Variants in COL23A1 observed in about 807,000 individuals in gnomAD.
The protein encoded by COL23A1 is collagen alpha-1(XXIII) chain.
In COL23A1, 97 loss-of-function variants were observed where a neutral mutation model predicts 99.3. That is an observed-to-expected ratio of 0.98 (90% CI 0.83 to 1.16). The LOEUF (loss-of-function observed/expected upper bound fraction) is 1.16. Ranked by LOEUF, COL23A1 falls within the 50% of genes most tolerant of loss-of-function variation. The pLI, the probability that COL23A1 is intolerant of heterozygous loss-of-function variation, is 0.00. For missense variants in COL23A1, 762 were observed against 757.4 expected (o/e 1.01, Z -0.07); for synonymous variants, 320 against 308.2 (o/e 1.04, Z -0.40).
chr5:178,530,956 C>T (rs896059989), intron 2 of COL23A1, among the ~76,000 whole-genome samples: 1 of 152,210 alleles, frequency 6.6e-6, no homozygotes, highest in Non-Finnish European at 1.5e-5. Context: ...CAACCTCCAT[C>T]TCCTGGGTTC....
intron 12 of COL23A1, among the ~76,000 whole-genome samples, chr5:178,258,236 AATATATATATATATAT>A (rs70994992): frequency 2.8e-5 from 2 of 71,960 alleles, no homozygotes; most frequent in African/African-American, 5.0e-5. Flanking sequence ...CCTGTCTTAA[AATATATATATATATAT>A]ATATATATAT....
chr5:178,500,784 T>C (rs1029149881), intron 2 of COL23A1, among the ~76,000 whole-genome samples: 4 of 152,068 alleles, frequency 2.6e-5, no homozygotes, highest in African/African-American at 4.8e-5. Flanking sequence ...CTCTCTAAAC[T>C]TGGAGTAAGA....
chr5:178,357,390 G>A (rs770645485), intron 2 of COL23A1, among the ~76,000 whole-genome samples: 26 of 152,216 alleles, frequency 1.7e-4, no homozygotes, highest in Non-Finnish European at 2.6e-4. Context: ...GGCTGGGGCC[G>A]CACAGCCTCG....
intron 2 of COL23A1, among the ~76,000 whole-genome samples, chr5:178,337,781 C>T (rs924537216): frequency 1.3e-5 from 2 of 151,978 alleles, no homozygotes; most frequent in Non-Finnish European, 2.9e-5. Context: ...CCACCATTAG[C>T]GTCTGGTGAT....
At chr5:178,556,362 C>G (rs1762271525) in intron 2 of COL23A1, among the ~76,000 whole-genome samples, 1 of 152,204 alleles carries the variant, frequency 6.6e-6, no homozygotes, top group African/African-American at 2.4e-5. Flanking sequence ...GTGGCTCACG[C>G]CTATAATCCC....
chr5:178,303,867 C>T (rs994452369), intron 3 of COL23A1, among the ~76,000 whole-genome samples: 14 of 152,278 alleles, frequency 9.2e-5, no homozygotes, highest in Middle Eastern at 3.4e-3. Context: ...GTGTGGGAAG[C>T]GCTGAGATGG....
At chr5:178,377,682 G>C (rs1486955000) in intron 2 of COL23A1, among the ~76,000 whole-genome samples, 12 of 152,192 alleles carry the variant, frequency 7.9e-5, no homozygotes, top group Non-Finnish European at 4.4e-5. Context: ...GAGTGGCGTG[G>C]AGGTGGTGTG....
At chr5:178,275,324 G>A (rs1281819688) in intron 5 of COL23A1, among the ~76,000 whole-genome samples, 2 of 152,234 alleles carry the variant, frequency 1.3e-5, no homozygotes, top group Admixed American at 6.5e-5. Flanking sequence ...AGCGACCCGT[G>A]TGTGGCCTTC....
chr5:178,505,470 T>C (rs1758814783), intron 2 of COL23A1, among the ~76,000 whole-genome samples: 1 of 152,178 alleles, frequency 6.6e-6, no homozygotes, highest in South Asian at 2.1e-4. Flanking sequence ...AGGCTGGTCT[T>C]AAACTCCTGA....
At chr5:178,262,132 T>C (rs1765662583) in intron 10 of COL23A1, 85 bp downstream of exon 10, 1 of 1,393,164 alleles carries the variant, frequency 7.2e-7, no homozygotes. Flanking sequence ...GTGACCCTGC[T>C]GTCGGCGTGT....
At chr5:178,430,095 C>T (rs1402627536) in intron 2 of COL23A1, among the ~76,000 whole-genome samples, 5 of 152,212 alleles carry the variant, frequency 3.3e-5, no homozygotes, top group Admixed American at 6.5e-5. Context: ...GACCCACGTG[C>T]CTCAGCCTGT....
At chr5:178,520,011 T>C (rs1460917577) in intron 2 of COL23A1, among the ~76,000 whole-genome samples, 1 of 151,742 alleles carries the variant, frequency 6.6e-6, no homozygotes, top group African/African-American at 2.4e-5. Context: ...GTCAGATGGA[T>C]AGAGAGTTGG....
intron 2 of COL23A1, among the ~76,000 whole-genome samples, chr5:178,436,935 T>C (rs865848621): frequency 1.3e-5 from 2 of 152,158 alleles, no homozygotes; most frequent in African/African-American, 2.4e-5. Context: ...GCCTGCACAA[T>C]TGACAGAACG....
intron 1 of COL23A1, among the ~76,000 whole-genome samples, chr5:178,586,324 C>T (rs754794831): frequency 2.0e-5 from 3 of 152,168 alleles, no homozygotes; most frequent in African/African-American, 4.8e-5. Flanking sequence ...AGAGGAGAGG[C>T]AGTGGAAGAG....
In COL23A1 at chr5:178,354,573, C is replaced by T. The variant is rs544745630; in HGVS notation, c.362-47654G>A. On this transcript the variant is annotated intron_variant, in intron 2 of 28. Coordinates refer to ENST00000390654, the MANE Select transcript of COL23A1 (RefSeq NM_173465.4). ...GTTCTCATGACAGTGACTGAGTTCT[C>T]GTGCGATCTGGCTGTTTAAAAATGT... Among the ~76,000 whole-genome samples the T allele has an allele frequency of 6.6e-5, 10 of 152,170 alleles. No homozygotes were observed. The South Asian group carries it at 8.3e-4, about 13-fold the overall frequency.
chr5:178,408,812 G>T (rs1187632293), intron 2 of COL23A1, among the ~76,000 whole-genome samples: 1 of 151,866 alleles, frequency 6.6e-6, no homozygotes, highest in African/African-American at 2.4e-5. Context: ...AAAATTAGCT[G>T]GGTGTGGTGG....
intron 2 of COL23A1, among the ~76,000 whole-genome samples, chr5:178,400,484 G>A (rs183310440): frequency 1.1e-4 from 16 of 149,506 alleles, no homozygotes; most frequent in African/African-American, 4.0e-4. Flanking sequence ...AAACTCCCTC[G>A]TCCTCTGTAG....
chr5:178,435,919 T>C (rs2127827914), intron 2 of COL23A1, among the ~76,000 whole-genome samples: 1 of 152,306 alleles, frequency 6.6e-6, no homozygotes, highest in East Asian at 1.9e-4. Context: ...TAGGACTGTT[T>C]GACTCTTGCC....
chr5:178,505,494 G>A lies in COL23A1; in HGVS notation c.361+55188C>T, dbSNP rs180746075. 4.3e-3 allele frequency among the ~76,000 whole-genome samples: 653 copies of A among 151,966 alleles called. 3 individuals carry two copies. Among genetic ancestry groups the A allele is most frequent in the Non-Finnish European group, 7.5e-3 (511 of 67,974 alleles). On this transcript the variant is annotated intron_variant, in intron 2 of 28. Coordinates refer to ENST00000390654, the MANE Select transcript of COL23A1 (RefSeq NM_173465.4). The stretch of plus-strand genomic sequence containing the variant: ...TTAAACTCCTGACCTCAGGTGATCC[G>A]CCCACCTCAGCCTCCCAAAGTGCTG...
Sources: allele counts gnomAD v4.1 joint callset (sites outside exome capture counted in the v4.1 genomes callset), GRCh38; gene constraint gnomAD v4.1.1; transcripts MANE v1.5; gene names NCBI Gene and HGNC (gene_info 2026-07-23, HGNC 2026-07-21).